DSCAM: variants seen among roughly 807,000 people sequenced by gnomAD.
DSCAM encodes the protein cell adhesion molecule DSCAM.
In DSCAM, 47 loss-of-function variants were observed where a neutral mutation model predicts 217.7. The observed-to-expected ratio is 0.22, with a 90% CI of 0.17 to 0.28. The LOEUF is 0.28. Among genes scored for constraint, DSCAM ranks in the 10% least tolerant of loss-of-function variants. The pLI, the probability that DSCAM is intolerant of heterozygous loss-of-function variation, is 1.00. For synonymous variants in DSCAM, 1,056 were observed against 1,015.3 expected, an observed-to-expected ratio of 1.04 and a Z score of -0.76; for missense variants, 2,080 against 2,618.3, an observed-to-expected ratio of 0.79 and a Z score of 4.49.
At chr21:40,178,777 G>GT in intron 15 of DSCAM, 150 bp downstream of exon 15, 1 of 901,204 alleles carries the variant, frequency 1.1e-6, no homozygotes, top group South Asian at 1.8e-5. Flanking sequence ...CGCTGTCTGC[G>GT]TTTTTTATAG....
At chr21:40,752,575 T>C (rs1196670013) in intron 1 of DSCAM, among the ~76,000 whole-genome samples, 1 of 152,138 alleles carries the variant, frequency 6.6e-6, no homozygotes, top group East Asian at 1.9e-4. Context: ...TAATCCTAGA[T>C]ACTGAGAAGG....
intron 3 of DSCAM, among the ~76,000 whole-genome samples, chr21:40,572,442 A>G (rs769210438): frequency 7.9e-5 from 12 of 152,216 alleles, no homozygotes; most frequent in Non-Finnish European, 1.5e-4. Flanking sequence ...TGATAATTAC[A>G]TTAAATATAA....
chr21:40,101,064 A>G (rs187020015), intron 20 of DSCAM, among the ~76,000 whole-genome samples: 113 of 152,298 alleles, frequency 7.4e-4, no homozygotes, highest in African/African-American at 2.6e-3. Flanking sequence ...CCCATCCCCC[A>G]TGTCCCTGAA....
rs754849716 is a variant in DSCAM, at chr21:40,339,358, G to A, written c.1268C>T (p.Pro423Leu). The A allele has an allele frequency of 6.2e-7, 1 of 1,613,692 alleles. No homozygotes were observed. The highest frequency in any genetic ancestry group is 8.5e-7 in the Non-Finnish European group (1 of 1,179,952). The change falls in exon 7 of 33, where the codon CCG (proline) becomes CTG (leucine). Residue 423 changes from proline (P) to leucine (L), a missense_variant. Physicochemically the swap from Pro to Leu is moderately conservative, Grantham distance 98. Coordinates refer to ENST00000400454, the MANE Select transcript of DSCAM (RefSeq NM_001389.5). ...CTTCACGTTGCACATAAGGGAAACC[G>A]GCTCTGCTGGACTCACCACCTTTTC... ...FSEKVVSPAE[P>L]VSLMCNVKGT...
At chr21:40,366,285 T>G (rs182119129) in intron 4 of DSCAM, among the ~76,000 whole-genome samples, 6 of 152,294 alleles carry the variant, frequency 3.9e-5, no homozygotes, top group Admixed American at 3.3e-4. Flanking sequence ...TAGTTATACA[T>G]GTGTTTCATC....
chr21:40,591,575 A>G (rs558530366), intron 3 of DSCAM, among the ~76,000 whole-genome samples: 3 of 152,348 alleles, frequency 2.0e-5, no homozygotes, highest in African/African-American at 7.2e-5. Context: ...TATTGTGTGG[A>G]ATAGAAAGTG....
intron 1 of DSCAM, among the ~76,000 whole-genome samples, chr21:40,786,012 A>G (rs4818178): frequency 0.89 from 136,019 of 152,164 alleles, 60,987 homozygotes; most frequent in African/African-American, 0.94. Flanking sequence ...CGAGGTGGGC[A>G]GATCACCTGA....
At chr21:40,400,189 T>C (rs2075221020) in intron 3 of DSCAM, among the ~76,000 whole-genome samples, 1 of 152,202 alleles carries the variant, frequency 6.6e-6, no homozygotes, top group Non-Finnish European at 1.5e-5. Flanking sequence ...ATGTGATTTG[T>C]AGCTATTTAT....
At chr21:40,484,679 C>T (rs2076010209) in intron 3 of DSCAM, among the ~76,000 whole-genome samples, 1 of 152,130 alleles carries the variant, frequency 6.6e-6, no homozygotes, top group African/African-American at 2.4e-5. Context: ...AGCTGCTGTT[C>T]TTTCTCCAGC....
At chr21:40,625,902 A>C (rs1422045172) in intron 3 of DSCAM, among the ~76,000 whole-genome samples, 1 of 152,216 alleles carries the variant, frequency 6.6e-6, no homozygotes, top group South Asian at 2.1e-4. Flanking sequence ...GAAATGGGAA[A>C]CCCTATTCAC....
At chr21:40,158,461 T>C (rs1271317335) in intron 16 of DSCAM, among the ~76,000 whole-genome samples, 1 of 152,150 alleles carries the variant, frequency 6.6e-6, no homozygotes, top group Non-Finnish European at 1.5e-5. Context: ...TCCAATAGGC[T>C]ACTGTATGTT....
chr21:40,107,231 C>T (rs1208427748), intron 20 of DSCAM, among the ~76,000 whole-genome samples: 1 of 152,038 alleles, frequency 6.6e-6, no homozygotes. Context: ...ATTATTTACC[C>T]CCAAAGTCAT....
chr21:40,669,867 G>A (rs564491100), intron 3 of DSCAM, among the ~76,000 whole-genome samples: 25 of 151,844 alleles, frequency 1.6e-4, no homozygotes, highest in African/African-American at 5.6e-4. Flanking sequence ...TACTGCGCCC[G>A]ACCATGTTAT....
intron 32 of DSCAM, among the ~76,000 whole-genome samples, chr21:40,028,457 A>G (rs546173089): frequency 0.03 from 4,565 of 151,368 alleles, 227 homozygotes; most frequent in African/African-American, 0.1. Context: ...CCTGGCTGCC[A>G]CCTTGCAGTT....
chr21:40,151,890 A>G (rs2090426347), intron 16 of DSCAM, among the ~76,000 whole-genome samples: 1 of 152,208 alleles, frequency 6.6e-6, no homozygotes, highest in South Asian at 2.1e-4. Flanking sequence ...CCCAGGCCCC[A>G]CCAGGGATGA....
chr21:40,028,632 C>G (rs1035781362), intron 32 of DSCAM, among the ~76,000 whole-genome samples: 2 of 152,338 alleles, frequency 1.3e-5, no homozygotes, highest in Middle Eastern at 3.4e-3. Context: ...TCCGTCACCC[C>G]TTTCTTTGAC....
rs1166752129 is a variant in DSCAM, at chr21:40,617,120, T to TG, written c.508+75689_508+75690insC. On this transcript the variant is annotated intron_variant, in intron 3 of 32. Coordinates refer to ENST00000400454, the MANE Select transcript of DSCAM (RefSeq NM_001389.5). Reference sequence around the variant, plus strand: ...ACAAAGGCCAGGCACAGAACCAGTCTTTTTTTTTTTTTTTTTTTTTTAAGA... The same window carrying TG: ...ACAAAGGCCAGGCACAGAACCAGTCTGTTTTTTTTTTTTTTTTTTTTTAAGA... 1.8e-4 allele frequency among the ~76,000 whole-genome samples: 17 copies of TG among 93,972 alleles called. 1 individual carries two copies. The highest frequency in any genetic ancestry group is 1.4e-3 in the East Asian group (4 of 2,828). The allele number at this position is 93,972 out of a possible 152,430, so 61.6% of individuals were successfully genotyped here.
intron 30 of DSCAM, 78 bp from the exon 31 acceptor site, chr21:40,044,353 CA>C (rs2088808650): frequency 6.9e-7 from 1 of 1,452,016 alleles, no homozygotes; most frequent in Non-Finnish European, 9.3e-7. Flanking sequence ...AGGTCAGTGC[CA>C]CCCACCCAGC....
intron 10 of DSCAM, among the ~76,000 whole-genome samples, chr21:40,281,265 G>A (rs1407562955): frequency 6.6e-6 from 1 of 152,166 alleles, no homozygotes; most frequent in Non-Finnish European, 1.5e-5. Context: ...TTATGGGATG[G>A]TAGAAGCACT....
Sources: gnomAD v4.1 joint callset for allele counts (sites outside exome capture counted in the v4.1 genomes callset) on GRCh38, gnomAD v4.1.1 for gene constraint, MANE v1.5 for transcripts, NCBI Gene and HGNC (gene_info 2026-07-23, HGNC 2026-07-21) for gene names.